BBS7: variants seen among roughly 807,000 people sequenced by gnomAD.
BBS7 encodes Bardet-Biedl syndrome 7, also known as BBSome complex member BBS7.
BBS7 carries 50 observed loss-of-function variants against 90.3 expected under a neutral mutation model. The observed-to-expected ratio is 0.55, with a 90% CI of 0.44 to 0.70. The LOEUF is 0.70. Ranked by LOEUF, BBS7 falls within the 30% of genes least tolerant of loss-of-function variation. The probability of loss-of-function intolerance (pLI) is 0.00; values close to 1 mark genes in which losing one functional copy is unlikely to be tolerated. For missense variants in BBS7, 729 were observed against 838.9 expected (o/e 0.87, Z 1.62); for synonymous variants, 235 against 287.4 (o/e 0.82, Z 1.85).
At position 121,828,167 on chromosome 4, in the gene BBS7, C is replaced by T. The variant is rs980757532; in HGVS notation, c.1993G>A (p.Ala665Thr). 1 of 1,613,700 alleles carries T rather than the reference C, an allele frequency of 6.2e-7. No homozygotes were observed. The highest frequency in any genetic ancestry group is 8.5e-7 in the Non-Finnish European group (1 of 1,179,858). ...TAACCATAGAGTCTTTCAAGATGTGCAGGTTGCTTTTTGTATTCTTCCTGT... is the reference window on the plus strand; with the variant it reads ...TAACCATAGAGTCTTTCAAGATGTGTAGGTTGCTTTTTGTATTCTTCCTGT... ...HLQEEYKKQP[A>T]HLERLYGMIT... The change falls in exon 18 of 19, where the codon GCA (alanine) becomes ACA (threonine). Residue 665 changes from alanine to threonine, a missense_variant. Physicochemically the swap from Ala to Thr is moderately conservative, Grantham distance 58. Coordinates refer to ENST00000264499, the MANE Select transcript of BBS7 (RefSeq NM_176824.3).
At chr4:121,861,459 T>C in intron 4 of BBS7, 45 bp downstream of exon 4, 1 of 1,568,756 alleles carries the variant, frequency 6.4e-7, no homozygotes, top group Non-Finnish European at 8.7e-7. Context: ...ATCCAAAATA[T>C]TATAAATAAG....
intron 9 of BBS7, 94 bp from the exon 10 acceptor site, chr4:121,847,600 C>G: frequency 1.2e-6 from 1 of 867,124 alleles, no homozygotes. Context: ...AATGTACATG[C>G]CCCTTTGTCC....
chr4:121,851,638 G>C (rs942169270), intron 8 of BBS7, among the ~76,000 whole-genome samples: 9 of 152,134 alleles, frequency 5.9e-5, no homozygotes, highest in African/African-American at 2.2e-4. Context: ...ACAAGTTTAA[G>C]TTAAAATGCA....
intron 7 of BBS7, among the ~76,000 whole-genome samples, chr4:121,853,554 C>T (rs1726436859): frequency 6.6e-6 from 1 of 151,754 alleles, no homozygotes; most frequent in South Asian, 2.1e-4. Context: ...AAACTGCTAG[C>T]AAATTCCATC....
At chr4:121,865,835 G>A (rs1185918562) in intron 2 of BBS7, among the ~76,000 whole-genome samples, 3 of 152,144 alleles carry the variant, frequency 2.0e-5, no homozygotes, top group Non-Finnish European at 2.9e-5. Flanking sequence ...TGGCACAGAA[G>A]AGTTTCCTTT....
intron 1 of BBS7, 150 bp from the exon 2 acceptor site, chr4:121,868,196 A>C: frequency 1.4e-6 from 1 of 737,258 alleles, no homozygotes; most frequent in Non-Finnish European, 2.4e-6. Flanking sequence ...ATGTCATATT[A>C]GTCAGAATAC....
intron 11 of BBS7, among the ~76,000 whole-genome samples, chr4:121,845,060 C>G (rs1230541479): frequency 4.6e-5 from 7 of 152,058 alleles, no homozygotes; most frequent in South Asian, 4.1e-4. Context: ...GAATAAAAGG[C>G]CATAAACATT....
In BBS7 at chr4:121,833,321, G is replaced by A; in HGVS notation, c.1586C>T (p.Pro529Leu). 1 of 1,613,974 alleles carries A rather than the reference G, an allele frequency of 6.2e-7. No individual in the cohort carries two copies. The highest frequency in any genetic ancestry group is 8.5e-7 in the Non-Finnish European group (1 of 1,179,948). The change falls in exon 15 of 19, where the codon CCT becomes CTT. Residue 529 changes from proline to leucine, a missense_variant. By Grantham distance (98) the Pro-to-Leu change is moderately conservative. Transcript: ENST00000264499. ...EVHSWVVFCL[P>L]EVPEKPPAGE... is the part of the protein sequence containing the mutation. The stretch of plus-strand genomic sequence containing the variant: ...TGCTGGAGGTTTTTCTGGAACTTCA[G>A]GCAGACAAAAAACCACCCAGGAGTG...
chr4:121,861,759 G>C, intron 3 of BBS7, 80 bp from the exon 4 acceptor site: 1 of 1,496,624 alleles, frequency 6.7e-7, no homozygotes, highest in Non-Finnish European at 9.2e-7. Context: ...AAAATGTTAT[G>C]ATGTTAAATT....
chr4:121,832,174 C>G (rs1339615486), intron 15 of BBS7, among the ~76,000 whole-genome samples: 1 of 151,894 alleles, frequency 6.6e-6, no homozygotes, highest in Non-Finnish European at 1.5e-5. Context: ...GAAACCCTGT[C>G]TACAGAAAAT....
chr4:121,841,615 A>G (rs545371451), intron 12 of BBS7, among the ~76,000 whole-genome samples: 121 of 152,190 alleles, frequency 8.0e-4, no homozygotes, highest in African/African-American at 2.4e-3. Context: ...TGATGGGTAC[A>G]TGCAAGTTAT....
chr4:121,863,664 T>G (rs988358459), intron 2 of BBS7, among the ~76,000 whole-genome samples: 1 of 152,144 alleles, frequency 6.6e-6, no homozygotes, highest in African/African-American at 2.4e-5. Context: ...AACTGGAGCA[T>G]AAGAACATTT....
rs1725963867 is a variant in BBS7, at chr4:121,845,559, G to T, written c.1175C>A (p.Ala392Asp). 6.2e-7 allele frequency: 1 copy of T among 1,612,768 alleles called. No homozygotes were observed. Among genetic ancestry groups the T allele is most frequent in the Admixed American group, 1.7e-5 (1 of 59,976 alleles). Residue 392 changes from alanine (A) to aspartate (D), a missense_variant, in exon 11 of 19, where the codon GCC (alanine) becomes GAC (aspartate). Transcript: ENST00000264499. The stretch of plus-strand genomic sequence containing the variant: ...TACCTCTAAGATAAGGCTGTAACTG[G>T]CATCATCTTTATTTAGTGTAAATTT... ...NDKFTLNKDD[A>D]SYSLILEVQT...
intron 5 of BBS7, among the ~76,000 whole-genome samples, chr4:121,856,606 G>C (rs1560662137): frequency 6.6e-6 from 1 of 152,048 alleles, no homozygotes; most frequent in Non-Finnish European, 1.5e-5. Flanking sequence ...CAGCTACTCA[G>C]GAGGCTAAAG....
chr4:121,827,373 T>G (rs1255255582), intron 18 of BBS7, among the ~76,000 whole-genome samples: 1 of 152,198 alleles, frequency 6.6e-6, no homozygotes, highest in Non-Finnish European at 1.5e-5. Flanking sequence ...GCATGCATTT[T>G]GGGGTGAGAA....
chr4:121,853,707 C>A (rs1010532412), intron 7 of BBS7, among the ~76,000 whole-genome samples: 1 of 151,872 alleles, frequency 6.6e-6, no homozygotes, highest in Non-Finnish European at 1.5e-5. Flanking sequence ...TTGCCCCCCG[C>A]CCCCTCCAAT....
chr4:121,826,114 A>T (rs1378787942), intron 18 of BBS7, 121 bp from the exon 19 acceptor site: 5 of 800,854 alleles, frequency 6.2e-6, no homozygotes, highest in Admixed American at 2.9e-5. Flanking sequence ...GATTTAACAT[A>T]CACAAACCTA....
rs760257318 is a variant in BBS7, at chr4:121,863,212, C to T, written c.165+5G>A. 6.8e-6 allele frequency: 11 copies of T among 1,613,526 alleles called. No homozygotes were observed. Among genetic ancestry groups the T allele is most frequent in the East Asian group, 2.2e-5 (1 of 44,836 alleles). ...CATTTTTCCCCTTCACAAAGCTATACTTACTGCTGCTTCTCCTTTCTTCAT... is the reference window on the plus strand; with the variant it reads ...CATTTTTCCCCTTCACAAAGCTATATTTACTGCTGCTTCTCCTTTCTTCAT... On this transcript the variant is annotated splice_donor_5th_base_variant and intron_variant, in intron 3 of 18. Coordinates refer to ENST00000264499, the MANE Select transcript of BBS7 (RefSeq NM_176824.3).
intron 15 of BBS7, among the ~76,000 whole-genome samples, chr4:121,831,639 T>C (rs1256152466): frequency 6.6e-6 from 1 of 152,184 alleles, no homozygotes; most frequent in African/African-American, 2.4e-5. Flanking sequence ...AGGTTCATTG[T>C]GGTACTTCAA....
Sources: gnomAD v4.1 joint callset for allele counts (sites outside exome capture counted in the v4.1 genomes callset) on GRCh38, gnomAD v4.1.1 for gene constraint, MANE v1.5 for transcripts, NCBI Gene and HGNC (gene_info 2026-07-23, HGNC 2026-07-21) for gene names.